CTTN: variants seen among roughly 807,000 people sequenced by gnomAD.
CTTN encodes the protein cortactin.
CTTN carries 28 observed loss-of-function variants against 84.0 expected under a neutral mutation model. That is an observed-to-expected ratio of 0.33 (90% CI 0.25 to 0.46). CTTN has a LOEUF of 0.46. CTTN is among the 20% of genes least tolerant of loss of function. The pLI is 1.00. For synonymous variants in CTTN, 301 were observed against 288.8 expected, an observed-to-expected ratio of 1.04 and a Z score of -0.43; for missense variants, 641 against 723.8, an observed-to-expected ratio of 0.89 and a Z score of 1.31.
At chr11:70,411,679 G>A (rs1361984725) in intron 5 of CTTN, among the ~76,000 whole-genome samples, 1 of 152,224 alleles carries the variant, frequency 6.6e-6, no homozygotes, top group Non-Finnish European at 1.5e-5. Context: ...CTCTGCTGCT[G>A]CTCGGCCTGC....
At chr11:70,423,943 G>A (rs1273445719) in intron 12 of CTTN, among the ~76,000 whole-genome samples, 46 of 152,184 alleles carry the variant, frequency 3.0e-4, no homozygotes. Flanking sequence ...GTCCTGAAGA[G>A]AGCTGGAGGG....
rs148612041 is a variant in CTTN, at chr11:70,415,622, G to A, written c.403-41G>A. The stretch of plus-strand genomic sequence containing the variant: ...GAGATTGTTTCAGGGACATTGGAAA[G>A]TATTTCTCCCCACTTTTTCATGTGT... On this transcript the variant is annotated intron_variant, in intron 6 of 17. Coordinates refer to ENST00000301843, the MANE Select transcript of CTTN (RefSeq NM_005231.4). 10 of 1,543,988 alleles carry A rather than the reference G, an allele frequency of 6.5e-6. No individual in the cohort carries two copies. The East Asian group carries it at 2.2e-4, about 35-fold the overall frequency.
At position 70,408,776 on chromosome 11, in the gene CTTN, G is replaced by A. The variant is rs779429410; in HGVS notation, c.162-1055G>A. On this transcript the variant is annotated intron_variant, in intron 4 of 17. Transcript: ENST00000301843. ...CACTCCCTTCCACAGAAGCAGCTTC[G>A]GAACTCCGGTGGCCGTGCGGCTGCC... Among the ~76,000 whole-genome samples, 7 of 152,118 alleles carry A rather than the reference G, an allele frequency of 4.6e-5. No homozygotes were observed. In the South Asian group the frequency reaches 8.3e-4, roughly 18 times the overall value.
chr11:70,435,985 G>T lies in CTTN; in HGVS notation c.*823G>T. 7.0e-7 allele frequency: 1 copy of T among 1,430,548 alleles called. No homozygotes were observed. The highest frequency in any genetic ancestry group is 9.1e-7 in the Non-Finnish European group (1 of 1,099,176). The allele number at this position is 1,430,548 out of a possible 1,614,324, so 88.6% of individuals were successfully genotyped here. ...TTTCACAAAGGCTGATGTCTTAACT[G>T]TCACCCATATGGTCCCTGGGCCACC... On this transcript the variant is annotated 3_prime_UTR_variant, in exon 18 of 18. Transcript: ENST00000301843.
intron 7 of CTTN, 93 bp from the exon 8 acceptor site, chr11:70,416,920 T>C: frequency 2.3e-6 from 2 of 861,094 alleles, no homozygotes; most frequent in Admixed American, 3.4e-5. Context: ...TGTTTGTGAG[T>C]TGTAACCCCT....
At position 70,414,589 on chromosome 11, in the gene CTTN, G is replaced by A. The variant is rs563461747; in HGVS notation, c.339G>A (p.Ser113=). The A allele has an allele frequency of 2.0e-5, 32 of 1,614,198 alleles. No homozygotes were observed. In the East Asian group the frequency reaches 2.0e-4, roughly 10 times the overall value. The change falls in exon 6 of 18, where the codon TCG becomes TCA. Residue 113 remains serine (S), a synonymous_variant. Transcript: ENST00000301843. ...EYQSKLSKHC[S]QVDSVRGFGG... The stretch of plus-strand genomic sequence containing the variant: ...AGTCGAAACTTTCCAAGCACTGCTC[G>A]CAGGTGGACTCGGTCCGTGGCTTCG...
Position 70,425,411 on chromosome 11 carries a change from G to A in CTTN, c.1027+10G>A, listed in dbSNP as rs749281210. 20 of 1,606,016 alleles carry A rather than the reference G, an allele frequency of 1.2e-5. No homozygotes were observed. The highest frequency in any genetic ancestry group is 6.7e-5 in the Admixed American group (4 of 59,366). On this transcript the variant is annotated intron_variant, in intron 13 of 17. Transcript: ENST00000301843. Reference sequence around the variant, plus strand: ...GTACCTGTCGAAGCTGGTGAGTCCCGGCTGATACCAGGAGCACCGTGTGGT... The same window carrying A: ...GTACCTGTCGAAGCTGGTGAGTCCCAGCTGATACCAGGAGCACCGTGTGGT...
intron 6 of CTTN, 78 bp from the exon 7 acceptor site, chr11:70,415,585 C>T: frequency 7.8e-7 from 1 of 1,278,834 alleles, no homozygotes; most frequent in African/African-American, 1.5e-5. Flanking sequence ...AATGTCATGT[C>T]ATGAATTCAG....
In CTTN at chr11:70,436,457, CACAATGA is replaced by C; in HGVS notation, c.*1296_*1302del. On this transcript the variant is annotated 3_prime_UTR_variant, in exon 18 of 18. Transcript: ENST00000301843. The stretch of plus-strand genomic sequence containing the variant: ...CATTTTCTCATCATCCTTGCTTTAC[CACAATGA>C]GCAATGAGGTCGGGTTTTATATGCA... 1 of 1,545,794 alleles carries C rather than the reference CACAATGA, an allele frequency of 6.5e-7. No homozygotes were observed. Among genetic ancestry groups the C allele is most frequent in the Non-Finnish European group, 8.8e-7 (1 of 1,134,326 alleles).
intron 10 of CTTN, 37 bp downstream of exon 10, chr11:70,420,547 A>C (rs2058220886): frequency 6.6e-7 from 1 of 1,526,560 alleles, no homozygotes; most frequent in African/African-American, 1.4e-5. Context: ...ATGGTTTTAG[A>C]AGTTTGTTTT....
At chr11:70,426,040 C>T (rs989290660) in intron 13 of CTTN, among the ~76,000 whole-genome samples, 10 of 152,152 alleles carry the variant, frequency 6.6e-5, no homozygotes, top group African/African-American at 1.9e-4. Context: ...GGGCCCAGGA[C>T]GCTTTGACAC....
intron 4 of CTTN, chr11:70,407,845 G>A (rs948893932): frequency 1.5e-5 from 7 of 466,036 alleles, no homozygotes; most frequent in African/African-American, 3.9e-5. Flanking sequence ...AACAATTTCC[G>A]TATTTATAAT....
intron 15 of CTTN, among the ~76,000 whole-genome samples, chr11:70,432,866 G>A (rs913888791): frequency 4.6e-5 from 7 of 152,192 alleles, no homozygotes; most frequent in African/African-American, 1.7e-4. Context: ...TTGCAGGACT[G>A]GAGTGTCGGT....
At chr11:70,420,997 G>A (rs764131130) in intron 10 of CTTN, among the ~76,000 whole-genome samples, 7 of 152,208 alleles carry the variant, frequency 4.6e-5, no homozygotes, top group Admixed American at 1.3e-4. Context: ...GTGTTTTCTT[G>A]TTGGAATGGG....
chr11:70,417,060 G>C lies in CTTN; in HGVS notation c.505G>C (p.Val169Leu). 4 of 1,614,236 alleles carry C rather than the reference G, an allele frequency of 2.5e-6. No homozygotes were observed. Among genetic ancestry groups the C allele is most frequent in the Non-Finnish European group, 3.4e-6 (4 of 1,180,056 alleles). ...CAAGTATGGCGTGCAGGCCGACCGA[G>C]TAGACAAGAGCGCGGTGGGCTTCGA... The part of the protein sequence containing the change: ...GGKYGVQADR[V>L]DKSAVGFDYQ... The change falls in exon 8 of 18, where the codon GTA (valine) becomes CTA (leucine). Residue 169 changes from valine to leucine, a missense_variant. Coordinates refer to ENST00000301843, the MANE Select transcript of CTTN (RefSeq NM_005231.4).
Position 70,419,741 on chromosome 11 carries a change from T to G in CTTN, c.569-5T>G, listed in dbSNP as rs1482441236. On this transcript the variant is annotated splice_region_variant and splice_polypyrimidine_tract_variant and intron_variant, in intron 8 of 17. Transcript: ENST00000301843. Reference sequence around the variant, plus strand: ...TTAAAGTAGTCCTTTTTTGTTTGTTTTTAGATTACTCCAAAGGTTTCGGCG... The same window carrying G: ...TTAAAGTAGTCCTTTTTTGTTTGTTGTTAGATTACTCCAAAGGTTTCGGCG... The G allele has an allele frequency of 1.9e-6, 3 of 1,605,632 alleles. No individual in the cohort carries two copies. The highest frequency in any genetic ancestry group is 2.7e-5 in the African/African-American group (2 of 74,294).
At chr11:70,422,200 A>G (rs2058244669) in intron 11 of CTTN, 1 of 342,926 alleles carries the variant, frequency 2.9e-6, no homozygotes, top group East Asian at 7.5e-5. Context: ...TAGAGCAGTT[A>G]TGTTGTTACC....
intron 4 of CTTN, 51 bp from the exon 5 acceptor site, chr11:70,409,780 G>C: frequency 6.3e-7 from 1 of 1,593,600 alleles, no homozygotes; most frequent in East Asian, 2.2e-5. Flanking sequence ...AGGAGGCAAA[G>C]CTGCACGTCT....
At chr11:70,434,552 CTG>C (rs2058393509) in intron 17 of CTTN, among the ~76,000 whole-genome samples, 1 of 152,278 alleles carries the variant, frequency 6.6e-6, no homozygotes, top group Non-Finnish European at 1.5e-5. Context: ...GTGGGTGTGT[CTG>C]TGGCATCTCG....
Sources: allele counts gnomAD v4.1 joint callset (sites outside exome capture counted in the v4.1 genomes callset), GRCh38; gene constraint gnomAD v4.1.1; transcripts MANE v1.5; gene names NCBI Gene and HGNC (gene_info 2026-07-23, HGNC 2026-07-21).